Variants in PRR11 observed in about 807,000 individuals in gnomAD.
The protein encoded by PRR11 is proline-rich protein 11.
Under a neutral mutation model 45.6 loss-of-function variants are expected in PRR11, and 30 were observed. The ratio of observed to expected loss-of-function variants is 0.66; its 90% CI spans 0.49 to 0.89. The LOEUF is 0.89. PRR11 is among the 40% of genes least tolerant of loss of function. PRR11 has a pLI of 0.00. For missense variants in PRR11, 373 were observed against 424.8 expected, an observed-to-expected ratio of 0.88 and a Z score of 1.07; for synonymous variants, 128 against 153.5, an observed-to-expected ratio of 0.83 and a Z score of 1.23.
chr17:59,203,325 A>T lies in PRR11; in HGVS notation c.*1694A>T, dbSNP rs998794587. 2 of 152,168 alleles carry T rather than the reference A, an allele frequency of 1.3e-5. No homozygotes were observed. The highest frequency in any genetic ancestry group is 4.8e-5 in the African/African-American group (2 of 41,428). 9.4% of individuals were successfully genotyped at this position (152,168 alleles called of 1,614,324 possible). A position where few individuals can be genotyped will look rare whatever the true frequency, so the allele number is the denominator to read the frequency against. ...CTGCAACCTCCACCTCCCAGGTTCA[A>T]GCAATTCTCCTGCCTCAGCCTCCTG... On this transcript the variant is annotated 3_prime_UTR_variant, in exon 10 of 10. Transcript: ENST00000262293.
chr17:59,195,472 C>T lies in PRR11; in HGVS notation c.857+29C>T, dbSNP rs138573503. On this transcript the variant is annotated intron_variant, in intron 7 of 9. Transcript: ENST00000262293. ...AGGAACTGCACAGTACTATGCTCTA[C>T]TACTACTTAAAAGAATGATATTGTT... 6.4e-3 allele frequency: 8,781 copies of T among 1,376,494 alleles called. 41 individuals carry two copies. Among genetic ancestry groups the T allele is most frequent in the Non-Finnish European group, 7.3e-3 (7,049 of 971,802 alleles). 85.3% of individuals were successfully genotyped at this position (1,376,494 alleles called of 1,614,324 possible). A position where few individuals can be genotyped will look rare whatever the true frequency, so the allele number is the denominator to read the frequency against.
At chr17:59,198,499 C>A (rs2046877278) in intron 9 of PRR11, among the ~76,000 whole-genome samples, 1 of 152,150 alleles carries the variant, frequency 6.6e-6, no homozygotes, top group Non-Finnish European at 1.5e-5. Flanking sequence ...CATGGTGAAA[C>A]CCCGTCTCTA....
At chr17:59,185,387 T>A in intron 3 of PRR11, 53 bp from the exon 4 acceptor site, 1 of 1,562,206 alleles carries the variant, frequency 6.4e-7, no homozygotes. Flanking sequence ...TCCTGTTTTC[T>A]TGTCCTTATC....
In PRR11 at chr17:59,197,616, C is replaced by T. The variant is rs1344385013; in HGVS notation, c.917+13C>T. ...TCGATGTAGAGAGGTAATACACTCT[C>T]ATATCTTTATGCCTTCTACGTCCAT... On this transcript the variant is annotated intron_variant, in intron 8 of 9. Coordinates refer to ENST00000262293, the MANE Select transcript of PRR11 (RefSeq NM_018304.4). The T allele has an allele frequency of 7.4e-6, 12 of 1,612,362 alleles. No homozygotes were observed. Among genetic ancestry groups the T allele is most frequent in the Non-Finnish European group, 1.0e-5 (12 of 1,178,406 alleles).
chr17:59,188,742 C>T (rs1323893939), intron 4 of PRR11, among the ~76,000 whole-genome samples: 1 of 151,872 alleles, frequency 6.6e-6, no homozygotes, highest in African/African-American at 2.4e-5. Context: ...GGTTTGAGAC[C>T]AGCCTGGCCA....
In PRR11 at chr17:59,203,507, G is replaced by A. The variant is rs2046902631; in HGVS notation, c.*1876G>A. 6.6e-6 allele frequency: 1 copy of A among 152,062 alleles called. No homozygotes were observed. The highest frequency in any genetic ancestry group is 6.6e-5 in the Admixed American group (1 of 15,252). The allele number at this position is 152,062 out of a possible 1,614,324, so 9.4% of individuals were successfully genotyped here. ...CCCAAAGTGCTGAGATTACAGGCGT[G>A]AGCCACCACGCCCGGCCAGAGATCC... is the stretch of plus-strand genomic sequence containing the variant. On this transcript the variant is annotated 3_prime_UTR_variant, in exon 10 of 10. Coordinates refer to ENST00000262293, the MANE Select transcript of PRR11 (RefSeq NM_018304.4).
At chr17:59,174,284 C>T (rs182461099) in intron 2 of PRR11, among the ~76,000 whole-genome samples, 9 of 152,144 alleles carry the variant, frequency 5.9e-5, no homozygotes, top group Non-Finnish European at 1.3e-4. Flanking sequence ...ATGCTAGATC[C>T]GTTTCTAATG....
intron 2 of PRR11, chr17:59,178,530 C>T: frequency 1.9e-6 from 1 of 525,896 alleles, no homozygotes; most frequent in East Asian, 5.4e-5. Flanking sequence ...TGACAGGATC[C>T]TCTGTGATTA....
intron 2 of PRR11, among the ~76,000 whole-genome samples, chr17:59,172,827 A>T (rs2046717783): frequency 6.6e-6 from 1 of 152,052 alleles, no homozygotes; most frequent in South Asian, 2.1e-4. Context: ...CCCCTGCACC[A>T]CCTGAGTCTC....
chr17:59,168,779 A>G (rs763040778), intron 1 of PRR11, among the ~76,000 whole-genome samples: 1 of 152,174 alleles, frequency 6.6e-6, no homozygotes, highest in Non-Finnish European at 1.5e-5. Flanking sequence ...TGCCTATTTA[A>G]TCTAGTGTCA....
chr17:59,172,546 G>C (rs2046715132), intron 2 of PRR11, among the ~76,000 whole-genome samples: 1 of 152,230 alleles, frequency 6.6e-6, no homozygotes, highest in Non-Finnish European at 1.5e-5. Context: ...GCGGGAACCG[G>C]GGCTGCGCGC....
chr17:59,176,442 G>T (rs1273849832), intron 2 of PRR11, among the ~76,000 whole-genome samples: 1 of 152,062 alleles, frequency 6.6e-6, no homozygotes, highest in African/African-American at 2.4e-5. Context: ...ATTTGACAGT[G>T]GATTCGAGTG....
intron 1 of PRR11, among the ~76,000 whole-genome samples, chr17:59,160,222 C>T (rs930081221): frequency 6.6e-6 from 1 of 152,068 alleles, no homozygotes; most frequent in African/African-American, 2.4e-5. Context: ...TATTATTTCA[C>T]AGGGGAGGAA....
At chr17:59,180,960 C>T (rs1451477682) in intron 2 of PRR11, among the ~76,000 whole-genome samples, 1 of 151,696 alleles carries the variant, frequency 6.6e-6, no homozygotes, top group Non-Finnish European at 1.5e-5. Context: ...AGCCACAGCA[C>T]CTGTCCCGAA....
chr17:59,181,421 A>G, intron 2 of PRR11: 1 of 913,706 alleles, frequency 1.1e-6, no homozygotes, highest in Non-Finnish European at 1.6e-6. Context: ...CTGGGGGCAT[A>G]TTTTTCCCAT....
At chr17:59,176,684 CTTTTTTTTTT>C (rs71367676) in intron 2 of PRR11, among the ~76,000 whole-genome samples, 4 of 39,000 alleles carry the variant, frequency 1.0e-4, no homozygotes, top group Non-Finnish European at 1.8e-4. Context: ...GTTTTTTTGG[CTTTTTTTTTT>C]TTTTTTTTTT....
At chr17:59,187,882 G>T (rs1209816053) in intron 4 of PRR11, among the ~76,000 whole-genome samples, 1 of 150,128 alleles carries the variant, frequency 6.7e-6, no homozygotes, top group Non-Finnish European at 1.5e-5. Flanking sequence ...AAAAAAAAGT[G>T]TGTCAAGACT....
intron 1 of PRR11, among the ~76,000 whole-genome samples, chr17:59,161,094 G>A (rs1190621803): frequency 6.6e-6 from 1 of 151,966 alleles, no homozygotes; most frequent in Non-Finnish European, 1.5e-5. Context: ...AGAAAGCAGT[G>A]TAAGAAAAAA....
chr17:59,180,501 T>TTTTTTTTGTTTG (rs1555716474), intron 2 of PRR11, among the ~76,000 whole-genome samples: 1 of 116,188 alleles, frequency 8.6e-6, no homozygotes, highest in African/African-American at 3.5e-5. Flanking sequence ...TCCTTGTTTT[T>TTTTTTTTGTTTG]TTTTTTTTGT....
Sources: allele counts gnomAD v4.1 joint callset (sites outside exome capture counted in the v4.1 genomes callset), GRCh38; gene constraint gnomAD v4.1.1; transcripts MANE v1.5; gene names NCBI Gene and HGNC (gene_info 2026-07-23, HGNC 2026-07-21).